Variants in EFNA1 observed in about 807,000 individuals in gnomAD.
The protein encoded by EFNA1 is ephrin A1.
A neutral mutation model predicts 23.2 loss-of-function variants in EFNA1; 8 were observed. That is an observed-to-expected ratio of 0.34 (90% CI 0.20 to 0.62). The LOEUF is 0.62. EFNA1 is among the 20% of genes least tolerant of loss of function. The pLI is 0.75. For missense variants in EFNA1, 217 were observed against 260.0 expected (o/e 0.83, Z 1.14); for synonymous variants, 89 against 98.6 (o/e 0.90, Z 0.58).
At chr1:155,130,077 G>A (rs1308128832) in intron 1 of EFNA1, among the ~76,000 whole-genome samples, 2 of 152,224 alleles carry the variant, frequency 1.3e-5, no homozygotes, top group Admixed American at 1.3e-4. Context: ...CCCAGGGTGG[G>A]GGAGGGGCCT....
chr1:155,134,292 T>C lies in EFNA1; in HGVS notation c.*225T>C, dbSNP rs6694256. On this transcript the variant is annotated 3_prime_UTR_variant, in exon 5 of 5. Coordinates refer to ENST00000368407, the MANE Select transcript of EFNA1 (RefSeq NM_004428.3). ...CATCCCCACCTTCACCTCGGAGGGA[T>C]GGAGAAAGAAGTGGAGACAGTCCTT... is the stretch of plus-strand genomic sequence containing the variant. The C allele has an allele frequency of 0.041, 23,437 of 575,324 alleles. 668 individuals carry two copies. Among genetic ancestry groups the C allele is most frequent in the South Asian group, 0.087 (4,372 of 50,434 alleles). The allele number at this position is 575,324 out of a possible 1,614,324, so 35.6% of individuals were successfully genotyped here.
chr1:155,131,268 AT>A, intron 1 of EFNA1, 70 bp from the exon 2 acceptor site: 2 of 1,535,124 alleles, frequency 1.3e-6, no homozygotes, highest in Non-Finnish European at 1.8e-6. Context: ...TCATGTAAAC[AT>A]TCAGAGGCCC....
In EFNA1 at chr1:155,128,049, C is replaced by G. The variant is rs200194706; in HGVS notation, c.72C>G (p.Phe24Leu). The change falls in exon 1 of 5, where the codon TTC (phenylalanine) becomes TTG (leucine). Residue 24 changes from phenylalanine (F) to leucine (L), a missense_variant. Transcript: ENST00000368407. ...CCGCTGCTGATCGCCACACCGTCTT[C>G]TGGAACAGTTCAAATCCCAAGTAAG... ...SLAAADRHTVFWNSSNPKFRN... is the reference protein window; with the variant it reads ...SLAAADRHTVLWNSSNPKFRN... The G allele has an allele frequency of 6.2e-7, 1 of 1,613,858 alleles. No homozygotes were observed. The highest frequency in any genetic ancestry group is 2.2e-5 in the East Asian group (1 of 44,876).
At position 155,133,492 on chromosome 1, in the gene EFNA1, T is replaced by A. The variant is rs1664285590; in HGVS notation, c.389-11T>A. The A allele has an allele frequency of 6.2e-7, 1 of 1,614,018 alleles. No individual in the cohort carries two copies. On this transcript the variant is annotated splice_polypyrimidine_tract_variant and intron_variant, in intron 2 of 4. Transcript: ENST00000368407. ...GGTTTCTTATTTAACCCCTGTGGGCTTATCTTGCAGCCAAACCCATCCACC... is the reference window on the plus strand; with the variant it reads ...GGTTTCTTATTTAACCCCTGTGGGCATATCTTGCAGCCAAACCCATCCACC...
chr1:155,132,140 C>A (rs1284334984), intron 2 of EFNA1, among the ~76,000 whole-genome samples: 1 of 152,052 alleles, frequency 6.6e-6, no homozygotes, highest in Non-Finnish European at 1.5e-5. Flanking sequence ...GAGATGTGAG[C>A]CTGGAGAGGT....
intron 1 of EFNA1, 99 bp from the exon 2 acceptor site, chr1:155,131,240 A>G (rs1006680921): frequency 2.1e-6 from 3 of 1,459,146 alleles, no homozygotes; most frequent in Non-Finnish European, 2.8e-6. Flanking sequence ...CTTGGGGTCC[A>G]GTGTGAAATG....
chr1:155,128,128 AT>A, intron 1 of EFNA1, 59 bp downstream of exon 1: 1 of 1,496,808 alleles, frequency 6.7e-7, no homozygotes, highest in Admixed American at 1.7e-5. Flanking sequence ...CCCCACCGGG[AT>A]AACTGTCCCG....
intron 2 of EFNA1, 84 bp downstream of exon 2, chr1:155,131,718 G>A (rs1000514476): frequency 7.0e-7 from 1 of 1,419,600 alleles, no homozygotes; most frequent in South Asian, 1.3e-5. Context: ...GTAGAGTCCA[G>A]CAGCAGAGGG....
intron 1 of EFNA1, chr1:155,130,453 C>T (rs1664209058): frequency 1.0e-6 from 1 of 961,302 alleles, no homozygotes; most frequent in Non-Finnish European, 1.2e-6. Context: ...GGTGCTGGCT[C>T]CACCTTGGGA....
In EFNA1 at chr1:155,127,901, C is replaced by G; in HGVS notation, c.-77C>G. The G allele has an allele frequency of 1.7e-6, 2 of 1,171,174 alleles. No homozygotes were observed. Among genetic ancestry groups the G allele is most frequent in the Non-Finnish European group, 2.4e-6 (2 of 818,264 alleles). 72.5% of individuals were successfully genotyped at this position (1,171,174 alleles called of 1,614,324 possible). A position where few individuals can be genotyped will look rare whatever the true frequency, so the allele number is the denominator to read the frequency against. On this transcript the variant is annotated 5_prime_UTR_variant, in exon 1 of 5. Transcript: ENST00000368407. This position sits in a 1 kb window ranked among gnomAD's most constrained non-coding sequence, Gnocchi z 4.4. ...AGATCTGTGAGCCCAGCGCTGACTG[C>G]GCCGCGGAGAAAGCCAGTGGGAACC...
At position 155,133,961 on chromosome 1, in the gene EFNA1, C is replaced by G. The variant is rs1664308475; in HGVS notation, c.512C>G (p.Pro171Arg). ...TTGCCCTCTCACCTTGCAGATGACC[C>G]AGAGGTGCGGGTTCTACATAGCATC... ...PQEKRLAADD[P>R]EVRVLHSIGH... The change falls in exon 5 of 5, where the codon CCA (proline) becomes CGA (arginine). Residue 171 changes from proline to arginine, a missense_variant. Physicochemically the swap from Pro to Arg is moderately radical, Grantham distance 103. Transcript: ENST00000368407. 9.3e-6 allele frequency: 15 copies of G among 1,614,002 alleles called. No homozygotes were observed. The East Asian group carries it at 3.1e-4, about 34-fold the overall frequency.
intron 1 of EFNA1, chr1:155,130,672 G>A (rs1407666121): frequency 1.0e-5 from 10 of 985,202 alleles, no homozygotes; most frequent in Non-Finnish European, 1.2e-5. Context: ...TAGCTAGAAC[G>A]GGAAGATTTG....
At position 155,131,398 on chromosome 1, in the gene EFNA1, G is replaced by A. The variant is rs1358769832; in HGVS notation, c.152G>A (p.Cys51Tyr). 3 of 1,614,068 alleles carry A rather than the reference G, an allele frequency of 1.9e-6. No individual in the cohort carries two copies. The highest frequency in any genetic ancestry group is 1.7e-5 in the Admixed American group (1 of 60,004). ...CTGAATGACTACGTGGACATCATCT[G>A]TCCGCACTATGAAGATCACTCTGTG... is the stretch of plus-strand genomic sequence containing the variant. ...VQLNDYVDII[C>Y]PHYEDHSVAD... Residue 51 changes from cysteine (C) to tyrosine (Y), a missense_variant, in exon 2 of 5, where the codon TGT becomes TAT. Transcript: ENST00000368407.
chr1:155,131,645 G>A lies in EFNA1; in HGVS notation c.388+11G>A, dbSNP rs1232845855. 1 of 1,604,298 alleles carries A rather than the reference G, an allele frequency of 6.2e-7. No individual in the cohort carries two copies. Among genetic ancestry groups the A allele is most frequent in the South Asian group, 1.1e-5 (1 of 90,820 alleles). On this transcript the variant is annotated intron_variant, in intron 2 of 4. Transcript: ENST00000368407. ...GCTACTACTACATCTGTGAGTGCCT[G>A]TGAGGGGACAGTGTCTGTGTTTCTT...
chr1:155,134,194 A>G lies in EFNA1; in HGVS notation c.*127A>G. 1.1e-6 allele frequency: 1 copy of G among 912,414 alleles called. No individual in the cohort carries two copies. The allele number at this position is 912,414 out of a possible 1,614,324, so 56.5% of individuals were successfully genotyped here. A position where few individuals can be genotyped will look rare whatever the true frequency, so the allele number is the denominator to read the frequency against. On this transcript the variant is annotated 3_prime_UTR_variant, in exon 5 of 5. Transcript: ENST00000368407. ...ACCACTCCCACCACAGGCATAAGCT[A>G]TCACCTAGCAGCCTCAAAACGGGTC... is the stretch of plus-strand genomic sequence containing the variant.
rs748005147 is a variant in EFNA1 at position 155,133,499 on chromosome 1, G to A, written c.389-4G>A. The A allele has an allele frequency of 3.1e-6, 5 of 1,614,006 alleles. No homozygotes were observed. Among genetic ancestry groups the A allele is most frequent in the Non-Finnish European group, 4.2e-6 (5 of 1,180,036 alleles). On this transcript the variant is annotated splice_region_variant and splice_polypyrimidine_tract_variant and intron_variant, in intron 2 of 4. Coordinates refer to ENST00000368407, the MANE Select transcript of EFNA1 (RefSeq NM_004428.3). Reference sequence around the variant, plus strand: ...TATTTAACCCCTGTGGGCTTATCTTGCAGCCAAACCCATCCACCAGCATGA... The same window carrying A: ...TATTTAACCCCTGTGGGCTTATCTTACAGCCAAACCCATCCACCAGCATGA...
Position 155,133,546 on chromosome 1 carries a change from G to A in EFNA1, c.432G>A (p.Lys144=), listed in dbSNP as rs765930865. The stretch of plus-strand genomic sequence containing the variant: ...ATGAAGACCGCTGCTTGAGGTTGAA[G>A]GTGACTGTCAGTGGCAAAATCAGTG... ...HQHEDRCLRL[K]VTVSGKITHS... Residue 144 remains lysine, a synonymous_variant, in exon 3 of 5, where the codon AAG becomes AAA. Coordinates refer to ENST00000368407, the MANE Select transcript of EFNA1 (RefSeq NM_004428.3). The A allele has an allele frequency of 4.3e-6, 7 of 1,613,946 alleles. No homozygotes were observed. In the South Asian group the frequency reaches 5.5e-5, roughly 13 times the overall value.
Position 155,131,692 on chromosome 1 carries a change from T to C in EFNA1, c.388+58T>C. The C allele has an allele frequency of 2.6e-6, 4 of 1,564,428 alleles. No homozygotes were observed. In the South Asian group the frequency reaches 4.7e-5, roughly 19 times the overall value. ...TCTTTTTTGCCATTACATACATGCTTGGGTACATGCTTGGTGTAGAGTCCA... is the reference window on the plus strand; with the variant it reads ...TCTTTTTTGCCATTACATACATGCTCGGGTACATGCTTGGTGTAGAGTCCA... On this transcript the variant is annotated intron_variant, in intron 2 of 4. Transcript: ENST00000368407.
intron 2 of EFNA1, 74 bp from the exon 3 acceptor site, chr1:155,133,429 G>A: frequency 2.6e-6 from 4 of 1,523,222 alleles, no homozygotes; most frequent in Non-Finnish European, 3.6e-6. Context: ...GAGAAAGCAG[G>A]GCGAGGGGCA....
Sources: gnomAD v4.1 joint callset for allele counts (sites outside exome capture counted in the v4.1 genomes callset) on GRCh38, gnomAD v4.1.1 for gene constraint, Gnocchi (gnomAD v3.1) non-coding constraint, MANE v1.5 for transcripts, NCBI Gene and HGNC (gene_info 2026-07-23, HGNC 2026-07-21) for gene names.